The following TASOR variants were observed in gnomAD, a reference collection of about 807,000 sequenced individuals.
TASOR encodes the protein protein TASOR.
In TASOR, 53 loss-of-function variants were observed where a neutral mutation model predicts 178.6. The ratio of observed to expected loss-of-function variants is 0.30; its 90% confidence interval spans 0.24 to 0.37. The LOEUF (loss-of-function observed/expected upper bound fraction) is 0.37. Among genes scored for constraint, TASOR ranks in the 10% least tolerant of loss-of-function variants. The pLI is 1.00. For synonymous variants in TASOR, 713 were observed against 696.2 expected (o/e 1.02, Z -0.38); for missense variants, 1,815 against 1,971.4 (o/e 0.92, Z 1.50).
At chr3:56,647,319 C>T (rs1351895683) in intron 13 of TASOR, 96 bp from the exon 14 acceptor site, 2 of 948,072 alleles carry the variant, frequency 2.1e-6, no homozygotes, top group Admixed American at 6.3e-5. Context: ...AGTATAAAAA[C>T]ATTTATACAT....
chr3:56,681,125 C>T (rs1189143721), intron 1 of TASOR, among the ~76,000 whole-genome samples: 1 of 150,624 alleles, frequency 6.6e-6, no homozygotes, highest in Non-Finnish European at 1.5e-5. Flanking sequence ...TGTCCATATT[C>T]TTAGGCACTT....
At chr3:56,674,187 C>G (rs2031033703) in intron 1 of TASOR, among the ~76,000 whole-genome samples, 1 of 135,308 alleles carries the variant, frequency 7.4e-6, no homozygotes, top group Non-Finnish European at 1.5e-5. Flanking sequence ...TACTGACACA[C>G]TGGTCTTTAA....
intron 18 of TASOR, chr3:56,629,001 G>A (rs918821974): frequency 6.8e-6 from 1 of 146,624 alleles, no homozygotes; most frequent in African/African-American, 2.6e-5. Context: ...TTAAATTCCT[G>A]GGCTCGAGTG....
rs1030594469 is a variant in TASOR, at chr3:56,662,480, G to C, written c.1065C>G (p.Asn355Lys). 9 of 1,481,448 alleles carry C rather than the reference G, an allele frequency of 6.1e-6. No homozygotes were observed. Among genetic ancestry groups the C allele is most frequent in the Non-Finnish European group, 8.2e-6 (9 of 1,090,926 alleles). 91.8% of individuals were successfully genotyped at this position (1,481,448 alleles called of 1,614,324 possible). The change falls in exon 9 of 24, where the codon AAC (asparagine) becomes AAG (lysine). Residue 355 changes from asparagine (N) to lysine (K), a missense_variant. Transcript: ENST00000683822. ...FNTDRNIDKY[N>K]YTLWKGQLLN... The stretch of plus-strand genomic sequence containing the variant: ...AAAGCTGTCCTTTCCACAAGGTATA[G>C]TTATATTTATCTAAATAAAAAGAAT...
chr3:56,624,202 A>G lies in TASOR; in HGVS notation c.4483+277T>C, dbSNP rs138715985. On this transcript the variant is annotated intron_variant, in intron 23 of 23. Transcript: ENST00000683822. ...ACCAATAATGCTTACAAAAACCTCAAAGACAAAATGCATACTCCATAGTAT... is the reference window on the plus strand; with the variant it reads ...ACCAATAATGCTTACAAAAACCTCAGAGACAAAATGCATACTCCATAGTAT... 2.0e-4 allele frequency among the ~76,000 whole-genome samples: 31 copies of G among 152,320 alleles called. No homozygotes were observed. In the East Asian group the frequency reaches 4.6e-3, roughly 23 times the overall value.
At position 56,682,683 on chromosome 3, in the gene TASOR, T is replaced by G; in HGVS notation, c.324A>C (p.Glu108Asp). The G allele has an allele frequency of 6.8e-7, 1 of 1,467,426 alleles. No homozygotes were observed. Among genetic ancestry groups the G allele is most frequent in the Non-Finnish European group, 9.0e-7 (1 of 1,106,552 alleles). The allele number at this position is 1,467,426 out of a possible 1,614,324, so 90.9% of individuals were successfully genotyped here. The change falls in exon 1 of 24, where the codon GAA becomes GAC. Residue 108 changes from glutamate (E) to aspartate (D), a missense_variant. By Grantham distance (45) the Glu-to-Asp change is conservative. Coordinates refer to ENST00000683822, the MANE Select transcript of TASOR (RefSeq NM_001365635.2). ...AAGAAGGGGAGGCACCACCTTTCTT[T>G]TCTCTGCTCTTCCTGGGGATCTGAA... Reference protein sequence around the residue: ...RSFQIPRKSREKKALFQPLTP... With the variant: ...RSFQIPRKSRDKKALFQPLTP...
At chr3:56,626,997 A>AAAATCAACAACCATTATATAGTT in intron 21 of TASOR, 40 bp downstream of exon 21, 1 of 1,240,688 alleles carries the variant, frequency 8.1e-7, no homozygotes, top group Non-Finnish European at 1.2e-6. Flanking sequence ...GTACAATGTT[A>AAAATCAACAACCATTATATAGTT]AAATCAACAA....
chr3:56,627,691 A>G lies in TASOR; in HGVS notation c.3921T>C (p.Gly1307=), dbSNP rs2076828225. The G allele has an allele frequency of 6.2e-7, 1 of 1,614,138 alleles. No homozygotes were observed. Among genetic ancestry groups the G allele is most frequent in the Non-Finnish European group, 8.5e-7 (1 of 1,180,004 alleles). ...TTTTAACATCATCCAGGCTATCAACACCAGCAAAACTAACACAGGGGAGCT... is the reference window on the plus strand; with the variant it reads ...TTTTAACATCATCCAGGCTATCAACGCCAGCAAAACTAACACAGGGGAGCT... The part of the protein sequence containing the change: ...LKKLPCVSFA[G]VDSLDDVKNH... The change falls in exon 20 of 24, where the codon GGT becomes GGC. Residue 1307 remains glycine, a synonymous_variant. Transcript: ENST00000683822.
intron 21 of TASOR, among the ~76,000 whole-genome samples, chr3:56,626,539 T>G (rs2107528610): frequency 6.6e-6 from 1 of 152,146 alleles, no homozygotes; most frequent in Non-Finnish European, 1.5e-5. Context: ...AGACAGGAGT[T>G]CGAGACCAGC....
chr3:56,641,315 C>A, intron 15 of TASOR, 34 bp downstream of exon 15: 3 of 1,545,968 alleles, frequency 1.9e-6, no homozygotes, highest in Non-Finnish European at 2.6e-6. Flanking sequence ...CACACACTCA[C>A]AAACACAAAG....
Position 56,638,719 on chromosome 3 carries a change from C to T in TASOR, c.2811G>A (p.Glu937=). The T allele has an allele frequency of 1.9e-6, 3 of 1,614,116 alleles. No homozygotes were observed. The highest frequency in any genetic ancestry group is 2.5e-6 in the Non-Finnish European group (3 of 1,179,982). Residue 937 remains glutamate, a synonymous_variant, in exon 17 of 24, where the codon GAG becomes GAA. Transcript: ENST00000683822. ...AAGCCTTCTCACCTGGTGTTTGTTT[C>T]TCACCATGTTTCCCCAGCTGGTCTT... ...SPEDQLGKHG[E]KQTPGMKSPE... is the part of the protein sequence containing the mutation.
At chr3:56,658,855 A>G (rs555382667) in intron 11 of TASOR, among the ~76,000 whole-genome samples, 3 of 152,046 alleles carry the variant, frequency 2.0e-5, no homozygotes, top group Admixed American at 6.6e-5. Context: ...CGGAGGTTGC[A>G]GTGAGCTGAG....
At chr3:56,636,530 G>A (rs1167986394) in intron 17 of TASOR, among the ~76,000 whole-genome samples, 2 of 151,348 alleles carry the variant, frequency 1.3e-5, no homozygotes, top group African/African-American at 4.9e-5. Context: ...TCAGCCTCCC[G>A]AGTAGCTGCG....
At chr3:56,663,070 C>T (rs2077632740) in intron 8 of TASOR, among the ~76,000 whole-genome samples, 1 of 152,020 alleles carries the variant, frequency 6.6e-6, no homozygotes, top group Non-Finnish European at 1.5e-5. Flanking sequence ...ATCCTAGCTA[C>T]TCAGGAGAAG....
chr3:56,683,181 G>C lies in TASOR; in HGVS notation c.-175C>G, dbSNP rs2031958931. The C allele has an allele frequency of 1.2e-5, 8 of 649,052 alleles. No homozygotes were observed. 40.2% of individuals were successfully genotyped at this position (649,052 alleles called of 1,614,324 possible). Reference sequence around the variant, plus strand: ...AGCCTCTTGGGGGGCCCTGTAGCGGGCACCCCAAATGCGCTGCCCGGTCCT... The same window carrying C: ...AGCCTCTTGGGGGGCCCTGTAGCGGCCACCCCAAATGCGCTGCCCGGTCCT... On this transcript the variant is annotated 5_prime_UTR_variant, in exon 1 of 24. Coordinates refer to ENST00000683822, the MANE Select transcript of TASOR (RefSeq NM_001365635.2).
intron 1 of TASOR, among the ~76,000 whole-genome samples, chr3:56,677,841 C>T (rs1255917165): frequency 6.6e-6 from 1 of 152,158 alleles, no homozygotes; most frequent in East Asian, 1.9e-4. Context: ...AGAGTCGTAA[C>T]ACCCTTTGTT....
chr3:56,670,185 A>G, intron 3 of TASOR, 40 bp from the exon 4 acceptor site: 2 of 1,171,968 alleles, frequency 1.7e-6, no homozygotes, highest in Non-Finnish European at 2.4e-6. Flanking sequence ...CAGTCATAAC[A>G]ACATTTAAAA....
Position 56,620,178 on chromosome 3 carries a change from C to T in TASOR, c.*2859G>A, listed in dbSNP as rs192578073. 3.0e-5 allele frequency: 6 copies of T among 200,442 alleles called. No individual in the cohort carries two copies. The highest frequency in any genetic ancestry group is 2.3e-4 in the East Asian group (2 of 8,832). 12.4% of individuals were successfully genotyped at this position (200,442 alleles called of 1,614,324 possible). A position where few individuals can be genotyped will look rare whatever the true frequency, so the allele number is the denominator to read the frequency against. On this transcript the variant is annotated 3_prime_UTR_variant, in exon 24 of 24. Transcript: ENST00000683822. ...GAGTAAAAAAATGCATACATTGGAA[C>T]GGCAAAACATCAATAAGGCCCTAAA...
chr3:56,668,589 C>T, intron 5 of TASOR, 31 bp from the exon 6 acceptor site: 1 of 1,433,586 alleles, frequency 7.0e-7, no homozygotes. Flanking sequence ...TAAGTGTCTA[C>T]CTAAACCTAA....
Sources: gnomAD v4.1 joint callset for allele counts (sites outside exome capture counted in the v4.1 genomes callset) on GRCh38, gnomAD v4.1.1 for gene constraint, MANE v1.5 for transcripts, NCBI Gene and HGNC (gene_info 2026-07-23, HGNC 2026-07-21) for gene names.